The following SNTG1 variants were observed in gnomAD, a reference collection of about 807,000 sequenced individuals.
SNTG1 encodes the protein syntrophin gamma 1.
A neutral mutation model predicts 74.7 loss-of-function variants in SNTG1; 39 were observed. That is an observed-to-expected ratio of 0.52 (90% CI 0.40 to 0.68). The LOEUF (loss-of-function observed/expected upper bound fraction) is 0.68, where lower values mean the gene tolerates loss of function less well. Among genes scored for constraint, SNTG1 ranks in the 30% least tolerant of loss-of-function variants. The probability of loss-of-function intolerance (pLI) is 0.00; values close to 1 mark genes in which losing one functional copy is unlikely to be tolerated. For synonymous variants in SNTG1, 254 were observed against 217.1 expected (o/e 1.17, Z -1.49); for missense variants, 685 against 609.5 (o/e 1.12, Z -1.30).
At chr8:50,395,635 C>G (rs1021505641) in intron 3 of SNTG1, among the ~76,000 whole-genome samples, 4 of 151,580 alleles carry the variant, frequency 2.6e-5, no homozygotes, top group African/African-American at 9.7e-5. Flanking sequence ...TCCGAAGTAG[C>G]TGGGACTACA....
At chr8:49,947,399 A>T (rs986590177) in intron 1 of SNTG1, among the ~76,000 whole-genome samples, 3 of 152,234 alleles carry the variant, frequency 2.0e-5, no homozygotes, top group Admixed American at 1.3e-4. Context: ...TTTCAAGGCC[A>T]TAAAGAGCTG....
intron 1 of SNTG1, among the ~76,000 whole-genome samples, chr8:49,995,253 C>CAGT (rs1814096639): frequency 6.6e-6 from 1 of 152,118 alleles, no homozygotes; most frequent in Non-Finnish European, 1.5e-5. Context: ...AAAGAAAGGA[C>CAGT]AGTTGCAGCT....
intron 13 of SNTG1, among the ~76,000 whole-genome samples, chr8:50,651,641 G>A (rs774925698): frequency 1.3e-5 from 2 of 151,802 alleles, no homozygotes; most frequent in Non-Finnish European, 2.9e-5. Flanking sequence ...ATTTTTAGTA[G>A]AGACGGGATT....
intron 2 of SNTG1, among the ~76,000 whole-genome samples, chr8:50,324,938 CATAT>C (rs201152206): frequency 0.1 from 13,697 of 133,586 alleles, 683 homozygotes; most frequent in East Asian, 0.13. Flanking sequence ...GCATTTTATA[CATAT>C]ATATATATAT....
chr8:50,359,951 CAACT>C lies in SNTG1; in HGVS notation c.-27-34256_-27-34253del, dbSNP rs1488704822. Among the ~76,000 whole-genome samples, 3 of 152,070 alleles carry C rather than the reference CAACT, an allele frequency of 2.0e-5. No homozygotes were observed. In the East Asian group the frequency reaches 5.8e-4, roughly 29 times the overall value. ...AGATTTTTCTAACCACATTAGTGCA[CAACT>C]AACTTACTAAAATCTTCATGTTAAA... On this transcript the variant is annotated intron_variant, in intron 2 of 18. Transcript: ENST00000642720.
At chr8:50,668,520 A>G (rs1220449049) in intron 15 of SNTG1, among the ~76,000 whole-genome samples, 3 of 148,302 alleles carry the variant, frequency 2.0e-5, no homozygotes, top group African/African-American at 7.5e-5. Context: ...TATTATTATT[A>G]TTATTATTAT....
At chr8:50,257,511 G>A (rs2086944120) in intron 2 of SNTG1, among the ~76,000 whole-genome samples, 1 of 152,176 alleles carries the variant, frequency 6.6e-6, no homozygotes, top group Non-Finnish European at 1.5e-5. Flanking sequence ...TTCGAAGGGT[G>A]TTTCAGAAAA....
intron 1 of SNTG1, among the ~76,000 whole-genome samples, chr8:50,059,112 A>G (rs1232062883): frequency 6.6e-6 from 1 of 152,144 alleles, no homozygotes; most frequent in Non-Finnish European, 1.5e-5. Context: ...AGTATTCCAT[A>G]GTACCCATGT....
intron 13 of SNTG1, among the ~76,000 whole-genome samples, chr8:50,638,317 T>C (rs1425007344): frequency 1.3e-5 from 2 of 152,120 alleles, no homozygotes; most frequent in Non-Finnish European, 2.9e-5. Flanking sequence ...CAAGGTTTTG[T>C]GGCAATTTTT....
At chr8:50,080,519 C>G (rs1407721674) in intron 1 of SNTG1, among the ~76,000 whole-genome samples, 2 of 152,104 alleles carry the variant, frequency 1.3e-5, no homozygotes, top group Non-Finnish European at 1.5e-5. Context: ...TGTGTCTTTT[C>G]AGTTCCTGTT....
chr8:50,473,959 T>C (rs2093674263), intron 8 of SNTG1, among the ~76,000 whole-genome samples: 1 of 152,022 alleles, frequency 6.6e-6, no homozygotes, highest in Admixed American at 6.6e-5. Flanking sequence ...AGAATTTTAG[T>C]TTTTAAGTTT....
intron 1 of SNTG1, among the ~76,000 whole-genome samples, chr8:50,027,621 G>A (rs978362853): frequency 2.0e-5 from 3 of 152,130 alleles, no homozygotes; most frequent in Non-Finnish European, 4.4e-5. Flanking sequence ...AGGCAAGGGG[G>A]CATTCTTCGT....
intron 1 of SNTG1, among the ~76,000 whole-genome samples, chr8:50,117,859 T>A (rs2080874840): frequency 6.6e-6 from 1 of 152,010 alleles, no homozygotes; most frequent in Non-Finnish European, 1.5e-5. Flanking sequence ...TGAAGTTAGG[T>A]TATGTTTGGT....
chr8:50,254,166 A>T (rs912204774), intron 2 of SNTG1, among the ~76,000 whole-genome samples: 7 of 152,192 alleles, frequency 4.6e-5, no homozygotes, highest in Non-Finnish European at 1.0e-4. Flanking sequence ...TGCCATAAAT[A>T]TGTATAATTA....
At chr8:50,088,300 A>T (rs200487535) in intron 1 of SNTG1, among the ~76,000 whole-genome samples, 6,621 of 146,504 alleles carry the variant, frequency 0.045, 354 homozygotes, top group South Asian at 0.13. Flanking sequence ...CCAATATCAT[A>T]CTGAATGGGC....
chr8:50,419,421 T>C (rs2093054060), intron 4 of SNTG1, among the ~76,000 whole-genome samples: 1 of 152,130 alleles, frequency 6.6e-6, no homozygotes, highest in Non-Finnish European at 1.5e-5. Context: ...AACAAGGACT[T>C]TCATCTTTAT....
intron 1 of SNTG1, among the ~76,000 whole-genome samples, chr8:49,934,492 T>C (rs532881566): frequency 1.3e-5 from 2 of 152,296 alleles, no homozygotes; most frequent in South Asian, 4.1e-4. Flanking sequence ...AAATAACTGA[T>C]GCAAGGTGAA....
At chr8:50,738,934 A>C (rs1025915321) in intron 17 of SNTG1, among the ~76,000 whole-genome samples, 3 of 152,142 alleles carry the variant, frequency 2.0e-5, no homozygotes, top group Admixed American at 2.0e-4. Flanking sequence ...AAAGACTTAA[A>C]CATAAGACGT....
chr8:50,495,386 G>A (rs1489380923), intron 8 of SNTG1, among the ~76,000 whole-genome samples: 1 of 151,652 alleles, frequency 6.6e-6, no homozygotes, highest in African/African-American at 2.4e-5. Context: ...TGTATTTCTA[G>A]CTTTTCCAGC....
Sources: gnomAD v4.1 joint callset for allele counts (sites outside exome capture counted in the v4.1 genomes callset) on GRCh38, gnomAD v4.1.1 for gene constraint, MANE v1.5 for transcripts, NCBI Gene and HGNC (gene_info 2026-07-23, HGNC 2026-07-21) for gene names.